AZIN2: variants seen among roughly 807,000 people sequenced by gnomAD.
The protein encoded by AZIN2 is ODC antizyme inhibitor-2.
AZIN2 carries 28 observed loss-of-function variants against 47.8 expected under a neutral mutation model. The observed-to-expected ratio is 0.59, with a 90% CI of 0.43 to 0.80. AZIN2 has a LOEUF of 0.80. Among genes scored for constraint, AZIN2 ranks in the 30% least tolerant of loss-of-function variants. The pLI is 0.00. For missense variants in AZIN2, 535 were observed against 582.5 expected, an observed-to-expected ratio of 0.92 and a Z score of 0.84; for synonymous variants, 221 against 239.4, an observed-to-expected ratio of 0.92 and a Z score of 0.71.
At chr1:33,083,230 C>T (rs541526408) in intron 4 of AZIN2, 5 of 154,882 alleles carry the variant, frequency 3.2e-5, no homozygotes, top group Admixed American at 1.9e-4. Flanking sequence ...CTTAGCATAA[C>T]GTTTGGCACC....
the AZIN2 span, among the ~76,000 whole-genome samples, chr1:33,151,430 A>T: frequency 6.6e-6 from 1 of 152,082 alleles, no homozygotes; most frequent in Non-Finnish European, 1.5e-5. Flanking sequence ...CGAATCATTA[A>T]CACAGGGTCT....
intron 11 of AZIN2, chr1:33,118,449 G>A (rs1008311335): frequency 9.0e-6 from 2 of 223,156 alleles, no homozygotes; most frequent in African/African-American, 4.6e-5. Context: ...GGACTTCCCA[G>A]AAGAAAGGAA....
chr1:33,144,676 G>A, the AZIN2 span, among the ~76,000 whole-genome samples: 10 of 152,134 alleles, frequency 6.6e-5, no homozygotes, highest in African/African-American at 2.4e-4. Flanking sequence ...TTCCACTTAA[G>A]TGTGCACAGC....
At chr1:33,166,445 A>G in the AZIN2 span, 5 of 152,064 alleles carry the variant, frequency 3.3e-5, no homozygotes, top group East Asian at 1.9e-4. Context: ...GTCCAATGCT[A>G]CAGACTAGCT....
At chr1:33,150,487 C>A in the AZIN2 span, among the ~76,000 whole-genome samples, 1 of 152,224 alleles carries the variant, frequency 6.6e-6, no homozygotes, top group African/African-American at 2.4e-5. Flanking sequence ...TTGCATTTTA[C>A]CCTCTTTGTT....
At chr1:33,148,887 A>T in the AZIN2 span, among the ~76,000 whole-genome samples, 1,680 of 152,354 alleles carry the variant, frequency 0.011, 33 homozygotes, top group African/African-American at 0.039. Flanking sequence ...AACTTAGGTC[A>T]TCCTGCAAAT....
chr1:33,135,287 A>AAAAC, the AZIN2 span, among the ~76,000 whole-genome samples: 233 of 152,180 alleles, frequency 1.5e-3, no homozygotes, highest in Non-Finnish European at 2.4e-3. Flanking sequence ...GACTCTCTCA[A>AAAAC]AAACAAACAA....
At chr1:33,159,646 G>A in the AZIN2 span, 1 of 1,579,896 alleles carries the variant, frequency 6.3e-7, no homozygotes, top group South Asian at 1.1e-5. The surrounding 1 kb of genome is among the most constrained non-coding windows in gnomAD (Gnocchi z 4.2). Context: ...GGGTCGAGGA[G>A]GGGATGGTCA....
At chr1:33,098,228 A>G in intron 10 of AZIN2, 49 bp downstream of exon 10, 1 of 1,329,820 alleles carries the variant, frequency 7.5e-7, no homozygotes, top group Non-Finnish European at 1.0e-6. Context: ...TGTGTATTTC[A>G]ATAACATTTG....
rs749293410 is a variant in AZIN2 at position 33,122,477 on chromosome 1, ATTTG to A, written c.*2299_*2302del. On this transcript the variant is annotated 3_prime_UTR_variant, in exon 12 of 12. Coordinates refer to ENST00000294517, the MANE Select transcript of AZIN2 (RefSeq NM_052998.4). ...AGTTAATAGTCATTTTTTCCCAGTT[ATTTG>A]TTTTTGTTTCTTATTTCAATCTTTT... Among the ~76,000 whole-genome samples the A allele has an allele frequency of 2.0e-5, 3 of 152,028 alleles. No homozygotes were observed. The highest frequency in any genetic ancestry group is 2.1e-4 in the South Asian group (1 of 4,826).
chr1:33,128,213 A>C (rs937448769), downstream of AZIN2, among the ~76,000 whole-genome samples: 1 of 151,320 alleles, frequency 6.6e-6, no homozygotes, highest in East Asian at 1.9e-4. Context: ...CAAAAAAAAA[A>C]AAAAAAAAAA....
At position 33,093,423 on chromosome 1, in the gene AZIN2, A is replaced by G. The variant is rs1346169806; in HGVS notation, c.587+7A>G. ...TGGAGGTGGTGGGTGTGAGGTGAGC[A>G]CTGGGAACCCCTGCCATCCCCTCCC... On this transcript the variant is annotated splice_region_variant and intron_variant, in intron 7 of 11. Transcript: ENST00000294517. The G allele has an allele frequency of 6.2e-7, 1 of 1,612,402 alleles. No homozygotes were observed. The highest frequency in any genetic ancestry group is 2.2e-5 in the East Asian group (1 of 44,844).
chr1:33,098,315 C>T, intron 10 of AZIN2, 136 bp downstream of exon 10: 1 of 627,482 alleles, frequency 1.6e-6, no homozygotes, highest in Non-Finnish European at 2.7e-6. Context: ...CGAAGGTTAT[C>T]ACCCATAATC....
rs1261353074 is a variant in AZIN2, at chr1:33,121,237, T to C, written c.*1055T>C. Among the ~76,000 whole-genome samples, 1 of 152,184 alleles carries C rather than the reference T, an allele frequency of 6.6e-6. No homozygotes were observed. Among genetic ancestry groups the C allele is most frequent in the Non-Finnish European group, 1.5e-5 (1 of 68,026 alleles). On this transcript the variant is annotated 3_prime_UTR_variant, in exon 12 of 12. Transcript: ENST00000294517. ...TCTGCTGCAATTAAAAGATTTGAGA[T>C]GTAATTCATATGCAATCATCAAATT...
intron 10 of AZIN2, among the ~76,000 whole-genome samples, chr1:33,111,871 G>A (rs1027090193): frequency 6.6e-6 from 1 of 152,088 alleles, no homozygotes; most frequent in Non-Finnish European, 1.5e-5. Flanking sequence ...CCAAAGTGCT[G>A]GGATTACAGG....
At chr1:33,140,177 C>T in the AZIN2 span, among the ~76,000 whole-genome samples, 8 of 152,136 alleles carry the variant, frequency 5.3e-5, no homozygotes, top group Admixed American at 5.2e-4. The surrounding 1 kb of genome is among the most constrained non-coding windows in gnomAD (Gnocchi z 4.0). Flanking sequence ...CTTTGCCTGT[C>T]CCTCTTGTTC....
the AZIN2 span, among the ~76,000 whole-genome samples, chr1:33,155,664 C>T: frequency 3.3e-5 from 5 of 152,264 alleles, no homozygotes; most frequent in Admixed American, 1.3e-4. Context: ...TCTGTGCCTC[C>T]GTTACTTATT....
chr1:33,106,747 G>T (rs529378008), intron 10 of AZIN2, among the ~76,000 whole-genome samples: 1 of 152,180 alleles, frequency 6.6e-6, no homozygotes, highest in East Asian at 1.9e-4. Context: ...CAACAAATTA[G>T]GTATGGAAGG....
At chr1:33,142,989 C>T in the AZIN2 span, 1 of 152,160 alleles carries the variant, frequency 6.6e-6, no homozygotes, top group Non-Finnish European at 1.5e-5. Flanking sequence ...CAAATGGGGG[C>T]TCCAAATGGG....
Sources: allele counts gnomAD v4.1 joint callset (sites outside exome capture counted in the v4.1 genomes callset), GRCh38; gene constraint gnomAD v4.1.1; non-coding constraint Gnocchi (gnomAD v3.1); transcripts MANE v1.5; gene names NCBI Gene and HGNC (gene_info 2026-07-23, HGNC 2026-07-21).